RICTOR: variants seen among roughly 807,000 people sequenced by gnomAD.
The protein encoded by RICTOR is rapamycin-insensitive companion of mTOR.
In RICTOR, 49 loss-of-function variants were observed where a neutral mutation model predicts 214.9. The observed-to-expected ratio is 0.23, with a 90% confidence interval of 0.18 to 0.29. The LOEUF (loss-of-function observed/expected upper bound fraction) is 0.29, where lower values mean the gene tolerates loss of function less well. RICTOR is among the 10% of genes least tolerant of loss of function. The probability of loss-of-function intolerance (pLI) is 1.00; values close to 1 mark genes in which losing one functional copy is unlikely to be tolerated. For synonymous variants in RICTOR, 717 were observed against 711.3 expected (o/e 1.01, Z -0.13); for missense variants, 1,625 against 2,047.0 (o/e 0.79, Z 3.98).
At chr5:39,015,712 C>T (rs945812133) in intron 3 of RICTOR, among the ~76,000 whole-genome samples, 4 of 151,990 alleles carry the variant, frequency 2.6e-5, no homozygotes, top group African/African-American at 4.8e-5. Context: ...AACTATTAAG[C>T]AGACTCACCA....
chr5:38,996,033 T>C (rs1753152922), intron 6 of RICTOR, among the ~76,000 whole-genome samples: 1 of 152,136 alleles, frequency 6.6e-6, no homozygotes, highest in Non-Finnish European at 1.5e-5. Context: ...AATTGAACAG[T>C]ACACCATTTT....
chr5:39,059,588 C>T (rs1261577231), intron 2 of RICTOR, among the ~76,000 whole-genome samples: 2 of 152,012 alleles, frequency 1.3e-5, no homozygotes, highest in Non-Finnish European at 2.9e-5. Flanking sequence ...AACAACTTAC[C>T]CTTATCCTAC....
rs1749693609 is a variant in RICTOR at position 38,960,384 on chromosome 5, T to C, written c.1851+14A>G. On this transcript the variant is annotated intron_variant, in intron 20 of 37. Transcript: ENST00000357387. ...TAAAAAACATTTGCTCTGGAAAATA[T>C]TCAGAATGCCCACCTCTTCAGATTC... 17 of 1,608,724 alleles carry C rather than the reference T, an allele frequency of 1.1e-5. No individual in the cohort carries two copies. The highest frequency in any genetic ancestry group is 1.4e-5 in the Non-Finnish European group (17 of 1,177,882).
chr5:39,037,711 A>G (rs1270028854), intron 2 of RICTOR, among the ~76,000 whole-genome samples: 1 of 152,232 alleles, frequency 6.6e-6, no homozygotes, highest in African/African-American at 2.4e-5. Flanking sequence ...TAAACTAGAA[A>G]ATCTAGAAGA....
chr5:38,960,626 A>G lies in RICTOR; in HGVS notation c.1716-93T>C, dbSNP rs183106077. ...CTTATGACATAATAAGGCTTTCAGA[A>G]TATGTTTTGGGTCTGAACCATTGGG... On this transcript the variant is annotated intron_variant, in intron 19 of 37. Transcript: ENST00000357387. 3.6e-4 allele frequency: 474 copies of G among 1,315,688 alleles called. 3 individuals are homozygous for G. The highest frequency in any genetic ancestry group is 3.4e-3 in the Middle Eastern group (18 of 5,270). The allele number at this position is 1,315,688 out of a possible 1,614,324, so 81.5% of individuals were successfully genotyped here.
rs375617194 is a variant in RICTOR, at chr5:38,942,374, T to C, written c.5057A>G (p.His1686Arg). 1 of 1,586,504 alleles carries C rather than the reference T, an allele frequency of 6.3e-7. No individual in the cohort carries two copies. Among genetic ancestry groups the C allele is most frequent in the South Asian group, 1.2e-5 (1 of 86,466 alleles). ...TGCCAACACAGCCTCTGCTTCTTCA[T>C]GCATCTAGGGAAAAAATGGTGTATC... ...LFQDVQFLQM[H>R]EEAEAVLATP... The change falls in exon 38 of 38, where the codon CAT (histidine) becomes CGT (arginine). Residue 1686 changes from histidine to arginine, a missense_variant. By Grantham distance (29) the His-to-Arg change is conservative. Coordinates refer to ENST00000357387, the MANE Select transcript of RICTOR (RefSeq NM_152756.5).
At chr5:39,003,417 A>G (rs1045499572) in intron 4 of RICTOR, 141 bp downstream of exon 4, 1 of 529,560 alleles carries the variant, frequency 1.9e-6, no homozygotes, top group African/African-American at 2.0e-5. Flanking sequence ...TGTAGCTCTT[A>G]GATTTTTTCT....
chr5:39,057,599 T>C (rs969428428), intron 2 of RICTOR, among the ~76,000 whole-genome samples: 15 of 152,102 alleles, frequency 9.9e-5, no homozygotes, highest in African/African-American at 3.6e-4. Flanking sequence ...GTTAAAAATA[T>C]ACATTTACTG....
chr5:38,946,270 A>G (rs1748179457), intron 33 of RICTOR, among the ~76,000 whole-genome samples, 198 bp downstream of exon 33: 1 of 152,198 alleles, frequency 6.6e-6, no homozygotes, highest in South Asian at 2.1e-4. Flanking sequence ...CTTCACTGAA[A>G]ACACTGTTAA....
At chr5:39,034,135 G>C (rs1176987958) in intron 2 of RICTOR, among the ~76,000 whole-genome samples, 2 of 152,110 alleles carry the variant, frequency 1.3e-5, no homozygotes, top group Admixed American at 6.5e-5. Context: ...ACATCTACCA[G>C]GCCACTTCTG....
At chr5:39,026,089 C>G (rs1048283111) in intron 2 of RICTOR, among the ~76,000 whole-genome samples, 1 of 152,138 alleles carries the variant, frequency 6.6e-6, no homozygotes, top group African/African-American at 2.4e-5. Flanking sequence ...AAACTGTCTA[C>G]GGATAACAGC....
intron 7 of RICTOR, among the ~76,000 whole-genome samples, chr5:38,984,084 T>A (rs1402621848): frequency 6.6e-6 from 1 of 152,006 alleles, no homozygotes; most frequent in African/African-American, 2.4e-5. Flanking sequence ...CCTGGATGAG[T>A]TTTTTTGGAG....
chr5:39,068,247 T>C (rs1243948191), intron 2 of RICTOR, among the ~76,000 whole-genome samples: 2 of 152,192 alleles, frequency 1.3e-5, no homozygotes, highest in African/African-American at 4.8e-5. Context: ...TTAAACTACA[T>C]GCCATGTTCA....
intron 3 of RICTOR, among the ~76,000 whole-genome samples, chr5:39,019,622 T>C (rs771944565): frequency 6.6e-6 from 1 of 152,170 alleles, no homozygotes; most frequent in African/African-American, 2.4e-5. Flanking sequence ...AAAAAGGATT[T>C]CTTTCAAATT....
chr5:38,964,719 A>G, intron 16 of RICTOR, 73 bp downstream of exon 16: 1 of 758,118 alleles, frequency 1.3e-6, no homozygotes, highest in East Asian at 3.0e-5. Context: ...ATTTTTTTTA[A>G]AAAGAAGAGA....
chr5:38,980,806 A>G (rs998941378), intron 8 of RICTOR: 2 of 152,286 alleles, frequency 1.3e-5, no homozygotes, highest in Admixed American at 1.3e-4. Flanking sequence ...TGATTGTGCC[A>G]CTACACTTAA....
intron 2 of RICTOR, among the ~76,000 whole-genome samples, chr5:39,045,095 T>C (rs1757401255): frequency 6.6e-6 from 1 of 152,184 alleles, no homozygotes; most frequent in Non-Finnish European, 1.5e-5. Flanking sequence ...ACAGTAAAAT[T>C]AGAATTGAGT....
At chr5:38,960,372 C>T in intron 20 of RICTOR, 26 bp downstream of exon 20, 1 of 1,604,234 alleles carries the variant, frequency 6.2e-7, no homozygotes, top group Non-Finnish European at 8.5e-7. Context: ...AAAACATTTG[C>T]TCTGGAAAAT....
In RICTOR at chr5:38,971,889, A is replaced by AT; in HGVS notation, c.959dup (p.Asn320LysfsTer10). ...AACTTTTACCTACCCTTATTTCCAT[A>AT]TTTGGTATGCAAAGTACTCCTATTA... On this transcript the variant is annotated frameshift_variant, in exon 11 of 38. Transcript: ENST00000357387. LOFTEE classifies it high-confidence loss of function. 1 of 1,389,664 alleles carries AT rather than the reference A, an allele frequency of 7.2e-7. No individual in the cohort carries two copies. The highest frequency in any genetic ancestry group is 1.0e-6 in the Non-Finnish European group (1 of 979,850). The allele number at this position is 1,389,664 out of a possible 1,614,324, so 86.1% of individuals were successfully genotyped here.
Sources: gnomAD v4.1 joint callset for allele counts (sites outside exome capture counted in the v4.1 genomes callset) on GRCh38, gnomAD v4.1.1 for gene constraint, MANE v1.5 for transcripts, NCBI Gene and HGNC (gene_info 2026-07-23, HGNC 2026-07-21) for gene names.